Variants in ENTPD7 observed in about 807,000 individuals in gnomAD.
ENTPD7 encodes ectonucleoside triphosphate diphosphohydrolase 7.
Under a neutral mutation model 77.9 loss-of-function variants are expected in ENTPD7, and 53 were observed. The ratio of observed to expected loss-of-function variants is 0.68; its 90% CI spans 0.55 to 0.85. ENTPD7 has a LOEUF of 0.85. Among genes scored for constraint, ENTPD7 ranks in the 40% least tolerant of loss-of-function variants. The pLI, the probability that ENTPD7 is intolerant of heterozygous loss-of-function variation, is 0.00. For synonymous variants in ENTPD7, 248 were observed against 274.9 expected (o/e 0.90, Z 0.97); for missense variants, 636 against 743.7 (o/e 0.86, Z 1.68).
chr10:99,663,868 G>A (rs2035516805), intron 3 of ENTPD7, among the ~76,000 whole-genome samples: 1 of 152,052 alleles, frequency 6.6e-6, no homozygotes, highest in Non-Finnish European at 1.5e-5. Flanking sequence ...TTTTGTTGTT[G>A]TTGTTCTCCC....
At chr10:99,673,797 G>A (rs1392361078) in intron 3 of ENTPD7, among the ~76,000 whole-genome samples, 1 of 152,172 alleles carries the variant, frequency 6.6e-6, no homozygotes, top group African/African-American at 2.4e-5. Context: ...ACAAAGACAC[G>A]GAGGAGTTAA....
chr10:99,690,890 A>G (rs1186114083), intron 7 of ENTPD7, among the ~76,000 whole-genome samples: 2 of 152,236 alleles, frequency 1.3e-5, no homozygotes, highest in Non-Finnish European at 2.9e-5. Flanking sequence ...TCCTTAGGCT[A>G]TATCCTACTA....
chr10:99,704,510 G>A lies in ENTPD7; in HGVS notation c.1642G>A (p.Val548Ile), dbSNP rs1267339709. 6.2e-7 allele frequency: 1 copy of A among 1,614,184 alleles called. No homozygotes were observed. The highest frequency in any genetic ancestry group is 8.5e-7 in the Non-Finnish European group (1 of 1,180,024). ...AHGSWFRLSF[V>I]YNHYLFFACI... ...TGGTAGCTGGTTCCGTCTCTCCTTT[G>A]TATACAACCACTATCTCTTCTTTGC... Residue 548 changes from valine (V) to isoleucine (I), a missense_variant, in exon 13 of 13, where the codon GTA (valine) becomes ATA (isoleucine). Val to Ile is a conservative substitution (Grantham distance 29, BLOSUM62 3). This residue lies in a region of ENTPD7 where 138 missense variants were observed against 150.9 expected (regional missense o/e 0.91). Transcript: ENST00000370489.
At chr10:99,692,012 C>T (rs2035890469) in intron 8 of ENTPD7, among the ~76,000 whole-genome samples, 1 of 152,206 alleles carries the variant, frequency 6.6e-6, no homozygotes, top group African/African-American at 2.4e-5. Context: ...TCATCCTACA[C>T]AGACACTTTT....
In ENTPD7 at chr10:99,711,148, TAC is replaced by T. The variant is rs1250234560; in HGVS notation, c.*6467_*6468del. On this transcript the variant is annotated 3_prime_UTR_variant, in exon 13 of 13. Transcript: ENST00000370489. Reference sequence around the variant, plus strand: ...ATTCACCAGAAGCTCATAGATATAATACAGTTATATAGCTAAATGCAACCAGT... The same window carrying T: ...ATTCACCAGAAGCTCATAGATATAATAGTTATATAGCTAAATGCAACCAGT... The T allele has an allele frequency of 2.0e-5, 20 of 984,580 alleles. No individual in the cohort carries two copies. Among genetic ancestry groups the T allele is most frequent in the African/African-American group, 3.5e-5 (2 of 57,198 alleles). 61.0% of individuals were successfully genotyped at this position (984,580 alleles called of 1,614,324 possible).
rs2035487386 is a variant in ENTPD7 at position 99,661,555 on chromosome 10, C to T, written c.118C>T (p.Leu40Phe). The change falls in exon 3 of 13, where the codon CTC becomes TTC. Residue 40 changes from leucine to phenylalanine, a missense_variant. By Grantham distance (22) the Leu-to-Phe change is conservative (BLOSUM62 0). Transcript: ENST00000370489. ...CCTGGGACTCTTCTTCATATCCTGT[C>T]TCCTTTTACTTATGTTAATCATAGA... ...AFLGLFFISC[L>F]LLLMLIIDFR... 1.2e-6 allele frequency: 2 copies of T among 1,613,722 alleles called. No individual in the cohort carries two copies. Among genetic ancestry groups the T allele is most frequent in the African/African-American group, 1.3e-5 (1 of 74,900 alleles).
intron 2 of ENTPD7, 112 bp from the exon 3 acceptor site, chr10:99,661,334 T>C (rs943080563): frequency 2.4e-6 from 2 of 843,030 alleles, no homozygotes; most frequent in African/African-American, 1.7e-5. Flanking sequence ...TTTAGACTTC[T>C]GTTGGCATGG....
At chr10:99,674,841 A>G (rs1372920804) in intron 3 of ENTPD7, among the ~76,000 whole-genome samples, 1 of 152,260 alleles carries the variant, frequency 6.6e-6, no homozygotes, top group African/African-American at 2.4e-5. Flanking sequence ...AAATCAAGAT[A>G]GAGGCACCAC....
At position 99,710,485 on chromosome 10, in the gene ENTPD7, T is replaced by G; in HGVS notation, c.*5802T>G. ...AAACCAAAGGCTGCCTGTATTACAT[T>G]GCTTTGGGGAGTTGTTAAGACTCTG... On this transcript the variant is annotated 3_prime_UTR_variant, in exon 13 of 13. Transcript: ENST00000370489. The G allele has an allele frequency of 1.0e-6, 1 of 985,466 alleles. No homozygotes were observed. The highest frequency in any genetic ancestry group is 1.2e-6 in the Non-Finnish European group (1 of 829,944). 61.0% of individuals were successfully genotyped at this position (985,466 alleles called of 1,614,324 possible). A position where few individuals can be genotyped will look rare whatever the true frequency, so the allele number is the denominator to read the frequency against.
At position 99,660,027 on chromosome 10, in the gene ENTPD7, G is replaced by A. The variant is rs183999540; in HGVS notation, c.8+63G>A. The A allele has an allele frequency of 4.9e-3, 7,917 of 1,612,018 alleles. 35 individuals carry two copies. The highest frequency in any genetic ancestry group is 6.1e-3 in the Non-Finnish European group (7,159 of 1,179,074). On this transcript the variant is annotated intron_variant, in intron 2 of 12. Transcript: ENST00000370489. ...CAGAGGATGGCAGGCAGGTTGGGGGGCCCTGGGAGGCTGTCCCAAGTGAGG... is the reference window on the plus strand; with the variant it reads ...CAGAGGATGGCAGGCAGGTTGGGGGACCCTGGGAGGCTGTCCCAAGTGAGG...
In ENTPD7 at chr10:99,679,250, G is replaced by A; in HGVS notation, c.192-11G>A. ...CTGCTTAGCACTGATTTCTCTTTTT[G>A]CCTGACTTAGGTATTTGGCTCGAGT... On this transcript the variant is annotated splice_polypyrimidine_tract_variant and intron_variant, in intron 3 of 12. Coordinates refer to ENST00000370489, the MANE Select transcript of ENTPD7 (RefSeq NM_020354.5). 1 of 1,610,720 alleles carries A rather than the reference G, an allele frequency of 6.2e-7. No homozygotes were observed.
intron 9 of ENTPD7, chr10:99,698,026 C>T: frequency 6.3e-6 from 1 of 158,392 alleles, no homozygotes; most frequent in Non-Finnish European, 1.4e-5. Flanking sequence ...GGAGCTGGTG[C>T]TGTGCCTGTT....
Position 99,694,838 on chromosome 10 carries a change from A to T in ENTPD7, c.844-1118A>T, listed in dbSNP as rs561225112. Among the ~76,000 whole-genome samples, 87 of 152,192 alleles carry T rather than the reference A, an allele frequency of 5.7e-4. 1 individual carries two copies. The highest frequency in any genetic ancestry group is 3.4e-3 in the Middle Eastern group (1 of 294). On this transcript the variant is annotated intron_variant, in intron 8 of 12. Coordinates refer to ENST00000370489, the MANE Select transcript of ENTPD7 (RefSeq NM_020354.5). ...AGGCATGAGCCACCATGCCCACCCC[A>T]GTTTTTGGATCTCTTGGTATGTACC...
At chr10:99,689,415 G>T (rs1355513853) in intron 7 of ENTPD7, among the ~76,000 whole-genome samples, 1 of 152,076 alleles carries the variant, frequency 6.6e-6, no homozygotes, top group Non-Finnish European at 1.5e-5. Context: ...GAAAAAATTG[G>T]ATCACCTGGT....
intron 11 of ENTPD7, among the ~76,000 whole-genome samples, chr10:99,701,435 G>A (rs1229781744): frequency 9.9e-5 from 15 of 151,696 alleles, no homozygotes; most frequent in Admixed American, 3.3e-4. Context: ...CTATAGGCAC[G>A]TGCCACCATG....
chr10:99,684,923 GA>G (rs1001992141), intron 5 of ENTPD7, among the ~76,000 whole-genome samples: 3 of 150,626 alleles, frequency 2.0e-5, no homozygotes, highest in Admixed American at 6.6e-5. Context: ...TTTTCACAAT[GA>G]AAAAAAAATC....
At position 99,705,874 on chromosome 10, in the gene ENTPD7, TA is replaced by T. The variant is rs1658406171; in HGVS notation, c.*1192del. 2.0e-5 allele frequency: 3 copies of T among 152,194 alleles called. No individual in the cohort carries two copies. The highest frequency in any genetic ancestry group is 4.4e-5 in the Non-Finnish European group (3 of 68,040). The allele number at this position is 152,194 out of a possible 1,614,324, so 9.4% of individuals were successfully genotyped here. A position where few individuals can be genotyped will look rare whatever the true frequency, so the allele number is the denominator to read the frequency against. On this transcript the variant is annotated 3_prime_UTR_variant, in exon 13 of 13. Coordinates refer to ENST00000370489, the MANE Select transcript of ENTPD7 (RefSeq NM_020354.5). The stretch of plus-strand genomic sequence containing the variant: ...AAGCGAGAGGAAAAGCCATAATAAT[TA>T]CATCTTCACCCACTACCCTTCCAGA...
chr10:99,700,239 A>AT (rs1306981641), intron 10 of ENTPD7, among the ~76,000 whole-genome samples: 1 of 151,964 alleles, frequency 6.6e-6, no homozygotes, highest in Non-Finnish European at 1.5e-5. Flanking sequence ...GGTAAAAGCG[A>AT]TTTTTTTCCC....
chr10:99,662,812 G>C (rs2035503007), intron 3 of ENTPD7, among the ~76,000 whole-genome samples: 1 of 152,208 alleles, frequency 6.6e-6, no homozygotes, highest in South Asian at 2.1e-4. Flanking sequence ...ATATAGTACA[G>C]GGAGATGGTA....
Sources: gnomAD v4.1 joint callset for allele counts (sites outside exome capture counted in the v4.1 genomes callset) on GRCh38, gnomAD v4.1.1 for gene constraint, gnomAD v4.1.1 regional missense constraint, MANE v1.5 for transcripts, NCBI Gene and HGNC (gene_info 2026-07-23, HGNC 2026-07-21) for gene names.